The following SPOCK1 variants were observed in gnomAD, a reference collection of about 807,000 sequenced individuals.
The protein encoded by SPOCK1 is testican-1.
In SPOCK1, 23 loss-of-function variants were observed where a neutral mutation model predicts 55.3. That is an observed-to-expected ratio of 0.42 (90% CI 0.30 to 0.59). The LOEUF is 0.59. Ranked by LOEUF, SPOCK1 falls within the 20% of genes least tolerant of loss-of-function variation. The pLI is 0.22. For synonymous variants in SPOCK1, 226 were observed against 221.0 expected (o/e 1.02, Z -0.20); for missense variants, 499 against 552.5 (o/e 0.90, Z 0.97).
intron 3 of SPOCK1, among the ~76,000 whole-genome samples, chr5:137,199,994 A>T (rs1755395437): frequency 6.6e-6 from 1 of 152,224 alleles, no homozygotes; most frequent in African/African-American, 2.4e-5. Flanking sequence ...CGCCTCTGGC[A>T]TCACCACTCT....
chr5:137,106,080 T>G (rs1425226172), intron 5 of SPOCK1, among the ~76,000 whole-genome samples: 2 of 152,002 alleles, frequency 1.3e-5, no homozygotes, highest in Non-Finnish European at 2.9e-5. Flanking sequence ...CTGAAGTCCA[T>G]AAAGTCCTAT....
intron 5 of SPOCK1, among the ~76,000 whole-genome samples, chr5:137,111,392 G>A (rs1048220936): frequency 2.0e-5 from 3 of 152,166 alleles, no homozygotes; most frequent in African/African-American, 7.2e-5. Flanking sequence ...TGAAAATGGT[G>A]TAGCTCTGGC....
chr5:137,223,304 A>C (rs1342884993), intron 3 of SPOCK1, among the ~76,000 whole-genome samples: 1 of 139,796 alleles, frequency 7.2e-6, no homozygotes, highest in African/African-American at 2.5e-5. Context: ...ATGTGCTATA[A>C]CATGAAAAAA....
At chr5:137,362,383 G>A (rs1394294596) in intron 2 of SPOCK1, among the ~76,000 whole-genome samples, 1 of 148,630 alleles carries the variant, frequency 6.7e-6, no homozygotes, top group Non-Finnish European at 1.5e-5. Context: ...AGGCTGGAGT[G>A]CAGTGGCATG....
chr5:137,093,853 G>C (rs1371817010), intron 5 of SPOCK1, among the ~76,000 whole-genome samples: 4 of 152,214 alleles, frequency 2.6e-5, no homozygotes. Flanking sequence ...TCAGATCATA[G>C]AGAACCTGGG....
intron 2 of SPOCK1, among the ~76,000 whole-genome samples, chr5:137,307,394 A>T (rs1757716411): frequency 6.6e-6 from 1 of 152,206 alleles, no homozygotes; most frequent in Non-Finnish European, 1.5e-5. Flanking sequence ...AGGGAGAAAA[A>T]ACACGGCCCC....
Position 136,986,011 on chromosome 5 carries a change from C to T in SPOCK1, c.929-809G>A, listed in dbSNP as rs193243227. ...GCTGATACTGCCTCTTTCTGCAGGC[C>T]CCACACTTGCATATAAAGTATCTAA... is the stretch of plus-strand genomic sequence containing the variant. On this transcript the variant is annotated intron_variant, in intron 8 of 10. Coordinates refer to ENST00000394945, the MANE Select transcript of SPOCK1 (RefSeq NM_004598.4). Among the ~76,000 whole-genome samples the T allele has an allele frequency of 1.6e-4, 24 of 152,192 alleles. No individual in the cohort carries two copies. The East Asian group carries it at 4.4e-3, about 28-fold the overall frequency.
chr5:137,144,344 A>T (rs1436103779), intron 3 of SPOCK1, among the ~76,000 whole-genome samples: 2 of 152,188 alleles, frequency 1.3e-5, no homozygotes, highest in African/African-American at 4.8e-5. Context: ...AAAAACCTCC[A>T]ACCCAAAATA....
chr5:137,103,600 C>T (rs1229529848), intron 5 of SPOCK1, among the ~76,000 whole-genome samples: 1 of 151,928 alleles, frequency 6.6e-6, no homozygotes, highest in African/African-American at 2.4e-5. Flanking sequence ...CAGCCTTGGG[C>T]TGCTTACCTT....
chr5:137,355,583 A>T lies in SPOCK1; in HGVS notation c.187-88528T>A, dbSNP rs114000916. Reference sequence around the variant, plus strand: ...CAAGGAGTTGAAGTAATCCAGGATGAGGGCTTGGTATGGGGCTGGGCACCA... The same window carrying T: ...CAAGGAGTTGAAGTAATCCAGGATGTGGGCTTGGTATGGGGCTGGGCACCA... On this transcript the variant is annotated intron_variant, in intron 2 of 10. Coordinates refer to ENST00000394945, the MANE Select transcript of SPOCK1 (RefSeq NM_004598.4). 2.7e-3 allele frequency among the ~76,000 whole-genome samples: 418 copies of T among 152,256 alleles called. 2 individuals carry two copies. Among genetic ancestry groups the T allele is most frequent in the African/African-American group, 9.5e-3 (394 of 41,550 alleles).
chr5:137,203,675 T>C (rs189660320), intron 3 of SPOCK1, among the ~76,000 whole-genome samples: 2 of 152,348 alleles, frequency 1.3e-5, no homozygotes, highest in Admixed American at 1.3e-4. Context: ...GAACTTGGCA[T>C]ACGGGGCCAC....
chr5:137,275,193 A>G (rs535029429), intron 2 of SPOCK1, among the ~76,000 whole-genome samples: 1 of 152,342 alleles, frequency 6.6e-6, no homozygotes, highest in South Asian at 2.1e-4. Flanking sequence ...TTTCAGAGAA[A>G]GTACAAATTA....
chr5:136,989,667 G>A (rs996414640), intron 7 of SPOCK1, among the ~76,000 whole-genome samples: 1 of 152,038 alleles, frequency 6.6e-6, no homozygotes, highest in Non-Finnish European at 1.5e-5. Context: ...TCAGACCCCG[G>A]CAAGCTTAAT....
chr5:137,114,515 A>T (rs1031612800), intron 4 of SPOCK1, among the ~76,000 whole-genome samples: 5 of 152,114 alleles, frequency 3.3e-5, no homozygotes, highest in Admixed American at 2.6e-4. Context: ...GGATTTTTTA[A>T]AGTCTATTAT....
intron 6 of SPOCK1, among the ~76,000 whole-genome samples, chr5:137,015,187 A>G (rs554255455): frequency 6.6e-6 from 1 of 152,088 alleles, no homozygotes; most frequent in South Asian, 2.1e-4. Flanking sequence ...CATGCCTGTA[A>G]TCCCAGGACT....
At chr5:137,251,451 G>A (rs1756527175) in intron 3 of SPOCK1, among the ~76,000 whole-genome samples, 1 of 152,196 alleles carries the variant, frequency 6.6e-6, no homozygotes, top group South Asian at 2.1e-4. Context: ...GGGGTTTTTG[G>A]CAAGTGACTT....
chr5:137,436,968 C>T (rs1046056874), intron 2 of SPOCK1, among the ~76,000 whole-genome samples: 2 of 152,108 alleles, frequency 1.3e-5, no homozygotes, highest in African/African-American at 4.8e-5. Context: ...CAGAGAGGGC[C>T]CAACATTTCC....
chr5:137,248,065 G>T (rs146503028), intron 3 of SPOCK1, among the ~76,000 whole-genome samples: 38 of 152,120 alleles, frequency 2.5e-4, no homozygotes, highest in African/African-American at 8.0e-4. Context: ...AAGGCTTTGG[G>T]TTAACTGTTC....
chr5:137,197,416 G>A (rs1755321754), intron 3 of SPOCK1, among the ~76,000 whole-genome samples: 1 of 152,146 alleles, frequency 6.6e-6, no homozygotes, highest in Non-Finnish European at 1.5e-5. Flanking sequence ...TGTGACCGTG[G>A]ACAAGTCACT....
Sources: allele counts gnomAD v4.1 joint callset (sites outside exome capture counted in the v4.1 genomes callset), GRCh38; gene constraint gnomAD v4.1.1; transcripts MANE v1.5; gene names NCBI Gene and HGNC (gene_info 2026-07-23, HGNC 2026-07-21).